The following GCNT2 variants were observed in gnomAD, a reference collection of about 807,000 sequenced individuals.
GCNT2 encodes glucosaminyl (N-acetyl) transferase 2 (I blood group).
A neutral mutation model predicts 34.2 loss-of-function variants in GCNT2; 34 were observed. The observed-to-expected ratio is 1.00, with a 90% CI of 0.76 to 1.32. The LOEUF (loss-of-function observed/expected upper bound fraction) is 1.32. Among genes scored for constraint, GCNT2 ranks in the 40% most tolerant of loss-of-function variants. The pLI, the probability that GCNT2 is intolerant of heterozygous loss-of-function variation, is 0.00. For missense variants in GCNT2, 584 were observed against 489.4 expected (o/e 1.19, Z -1.82); for synonymous variants, 212 against 188.0 (o/e 1.13, Z -1.04).
At chr6:10,534,826 C>A (rs2113544473) in intron 3 of GCNT2, among the ~76,000 whole-genome samples, 1 of 152,198 alleles carries the variant, frequency 6.6e-6, no homozygotes, top group South Asian at 2.1e-4. Flanking sequence ...AGCACCACTA[C>A]CCTCAGACTG....
At position 10,524,848 on chromosome 6, in the gene GCNT2, AAAAGG is replaced by A. The variant is rs1761112455; in HGVS notation, c.-468-2621_-468-2617del. On this transcript the variant is annotated intron_variant, in intron 1 of 4. Coordinates refer to ENST00000495262, the MANE Select transcript of GCNT2 (RefSeq NM_145649.5). ...CTGTCCCCCACCCCCCAAAAAAAAGAAAAGGAAAGAAAGAAAAGAAAAAGGACAAA... is the reference window on the plus strand; with the variant it reads ...CTGTCCCCCACCCCCCAAAAAAAAGAAAAGAAAGAAAAGAAAAAGGACAAA... Among the ~76,000 whole-genome samples, 4 of 140,802 alleles carry A rather than the reference AAAAGG, an allele frequency of 2.8e-5. No individual in the cohort carries two copies. In the South Asian group the frequency reaches 7.7e-4, roughly 27 times the overall value. 92.4% of individuals were successfully genotyped at this position (140,802 alleles called of 152,430 possible).
chr6:10,622,976 G>A (rs2127446077), intron 4 of GCNT2, among the ~76,000 whole-genome samples: 1 of 151,460 alleles, frequency 6.6e-6, no homozygotes, highest in Non-Finnish European at 1.5e-5. Context: ...GATGGTCTCA[G>A]TCTCTTGACC....
intron 3 of GCNT2, chr6:10,574,796 C>T (rs1763722642): frequency 3.3e-6 from 2 of 611,098 alleles, no homozygotes; most frequent in Non-Finnish European, 6.2e-6. Context: ...GCCTCCTTCC[C>T]ACTGGCTCTC....
chr6:10,542,144 GAAA>G (rs968570689), intron 3 of GCNT2, among the ~76,000 whole-genome samples: 1 of 151,952 alleles, frequency 6.6e-6, no homozygotes, highest in African/African-American at 2.4e-5. Flanking sequence ...AAAGAAAAAA[GAAA>G]AAATATCCAA....
chr6:10,586,060 G>A (rs745714308), intron 3 of GCNT2: 5 of 1,614,154 alleles, frequency 3.1e-6, no homozygotes, highest in Admixed American at 1.7e-5. Context: ...AGATTTTACA[G>A]TAGCCAATTG....
chr6:10,554,126 T>C (rs1762594020), intron 3 of GCNT2, among the ~76,000 whole-genome samples: 1 of 152,148 alleles, frequency 6.6e-6, no homozygotes, highest in African/African-American at 2.4e-5. Context: ...ACTTGTTCAG[T>C]CTCAGTAGCA....
At chr6:10,566,493 T>C (rs1285894031) in intron 3 of GCNT2, among the ~76,000 whole-genome samples, 1 of 152,124 alleles carries the variant, frequency 6.6e-6, no homozygotes, top group Non-Finnish European at 1.5e-5. Flanking sequence ...AGAATTTCAC[T>C]GTGTTGCCTA....
chr6:10,595,101 T>G (rs950498903), intron 3 of GCNT2, among the ~76,000 whole-genome samples: 2 of 152,176 alleles, frequency 1.3e-5, no homozygotes, highest in African/African-American at 4.8e-5. Context: ...TTAGTGTTAT[T>G]GATGTACTTT....
rs186953606 is a variant in GCNT2, at chr6:10,544,754, G to C, written c.925+14918G>C. Among the ~76,000 whole-genome samples, 720 of 151,548 alleles carry C rather than the reference G, an allele frequency of 4.8e-3. 8 individuals are homozygous for C. The highest frequency in any genetic ancestry group is 0.017 in the African/African-American group (695 of 41,312). ...AGATCAGGAGTTCGAGACCAGCCTG[G>C]CCAACGTGGTGAAACCCCATCTCCA... On this transcript the variant is annotated intron_variant, in intron 3 of 4. Coordinates refer to ENST00000495262, the MANE Select transcript of GCNT2 (RefSeq NM_145649.5).
chr6:10,578,326 A>G (rs1010944724), intron 3 of GCNT2, among the ~76,000 whole-genome samples: 1 of 147,566 alleles, frequency 6.8e-6, no homozygotes, highest in Non-Finnish European at 1.5e-5. Flanking sequence ...GGTTGCAGTG[A>G]GCCGAGATTG....
At position 10,598,380 on chromosome 6, in the gene GCNT2, C is replaced by G. The variant is rs144614494; in HGVS notation, c.926-22971C>G. Among the ~76,000 whole-genome samples, 74 of 152,312 alleles carry G rather than the reference C, an allele frequency of 4.9e-4. 1 individual carries two copies. The highest frequency in any genetic ancestry group is 1.6e-3 in the African/African-American group (68 of 41,570). On this transcript the variant is annotated intron_variant, in intron 3 of 4. Coordinates refer to ENST00000495262, the MANE Select transcript of GCNT2 (RefSeq NM_145649.5). ...TCACCTCCATCTCTCCCCCTTCTCC[C>G]TCTCCACGGTATATTAATGTCATGA...
chr6:10,591,879 T>C (rs867387278), intron 3 of GCNT2, among the ~76,000 whole-genome samples: 1 of 152,340 alleles, frequency 6.6e-6, no homozygotes, highest in Non-Finnish European at 1.5e-5. Context: ...TTAGAAGGTA[T>C]ATGTTCTCTG....
Position 10,562,669 on chromosome 6 carries a change from A to AC in GCNT2, c.925+32833_925+32834insC, listed in dbSNP as rs542970699. Among the ~76,000 whole-genome samples the AC allele has an allele frequency of 5.8e-3, 873 of 151,180 alleles. 8 individuals carry two copies. The highest frequency in any genetic ancestry group is 0.01 in the Non-Finnish European group (699 of 67,742). On this transcript the variant is annotated intron_variant, in intron 3 of 4. Coordinates refer to ENST00000495262, the MANE Select transcript of GCNT2 (RefSeq NM_145649.5). Reference sequence around the variant, plus strand: ...CAGAACTTCTCTGAAAAAAAAAAAAAAAAAAAAACAAAAAAAAACCCACAA... The same window carrying AC: ...CAGAACTTCTCTGAAAAAAAAAAAAACAAAAAAAACAAAAAAAAACCCACAA...
At chr6:10,599,510 G>A (rs184915086) in intron 3 of GCNT2, among the ~76,000 whole-genome samples, 11 of 152,264 alleles carry the variant, frequency 7.2e-5, no homozygotes, top group Admixed American at 2.6e-4. Flanking sequence ...GTATCCCAGC[G>A]GAGGTAAGAG....
intron 3 of GCNT2, among the ~76,000 whole-genome samples, chr6:10,559,896 C>A (rs1561799512): frequency 6.6e-6 from 1 of 152,202 alleles, no homozygotes; most frequent in Non-Finnish European, 1.5e-5. Context: ...TCACAAATTA[C>A]AAGTGAATTA....
intron 3 of GCNT2, among the ~76,000 whole-genome samples, chr6:10,578,129 G>A (rs1232365059): frequency 1.3e-5 from 2 of 151,980 alleles, no homozygotes; most frequent in Non-Finnish European, 2.9e-5. Context: ...ATTGGCTCAC[G>A]CCTGTAATCC....
chr6:10,539,123 T>TGG (rs1346075697), intron 3 of GCNT2, among the ~76,000 whole-genome samples: 1 of 149,072 alleles, frequency 6.7e-6, no homozygotes, highest in Non-Finnish European at 1.5e-5. Context: ...CACTCACTGG[T>TGG]GGGGTTTAGA....
chr6:10,540,432 C>G (rs190439568), intron 3 of GCNT2, among the ~76,000 whole-genome samples: 142 of 152,348 alleles, frequency 9.3e-4, no homozygotes, highest in African/African-American at 3.1e-3. Flanking sequence ...CTGCTTTACA[C>G]TCCTGCAGAA....
At chr6:10,588,904 GGT>G (rs1554134595) in intron 3 of GCNT2, among the ~76,000 whole-genome samples, 3 of 106,332 alleles carry the variant, frequency 2.8e-5, no homozygotes, top group Non-Finnish European at 6.2e-5. Flanking sequence ...TGTGTTGTGT[GGT>G]GTGTGTGTAG....
Sources: allele counts gnomAD v4.1 joint callset (sites outside exome capture counted in the v4.1 genomes callset), GRCh38; gene constraint gnomAD v4.1.1; transcripts MANE v1.5; gene names NCBI Gene and HGNC (gene_info 2026-07-23, HGNC 2026-07-21).